The following GPR63 variants were observed in gnomAD, a reference collection of about 807,000 sequenced individuals.
The protein encoded by GPR63 is G protein-coupled receptor 63, also known as probable G protein-coupled receptor 63.
Under a neutral mutation model 23.1 loss-of-function variants are expected in GPR63, and 12 were observed. The ratio of observed to expected loss-of-function variants is 0.52; its 90% CI spans 0.33 to 0.84. GPR63 has a LOEUF of 0.84. Among genes scored for constraint, GPR63 ranks in the 40% least tolerant of loss-of-function variants. GPR63 has a pLI of 0.02. For missense variants in GPR63, 472 were observed against 515.6 expected, an observed-to-expected ratio of 0.92 and a Z score of 0.82; for synonymous variants, 172 against 191.1, an observed-to-expected ratio of 0.90 and a Z score of 0.82.
chr6:96,819,170 T>C (rs1239964732), intron 1 of GPR63, among the ~76,000 whole-genome samples: 1 of 152,194 alleles, frequency 6.6e-6, no homozygotes, highest in Non-Finnish European at 1.5e-5. Context: ...CACTACTGGG[T>C]ATATACCCAA....
chr6:96,835,039 T>G (rs1308079824), intron 1 of GPR63, among the ~76,000 whole-genome samples: 1 of 152,198 alleles, frequency 6.6e-6, no homozygotes, highest in African/African-American at 2.4e-5. Context: ...AATTTGCCTA[T>G]TGAAGCTTAA....
intron 1 of GPR63, among the ~76,000 whole-genome samples, chr6:96,814,132 T>C (rs538116329): frequency 2.0e-5 from 3 of 152,298 alleles, no homozygotes; most frequent in South Asian, 2.1e-4. Context: ...TCCAACTTTA[T>C]ATCTAATACA....
rs962044113 is a variant in GPR63, at chr6:96,794,672, T to C, written c.*3800A>G. The C allele has an allele frequency of 2.0e-5, 3 of 152,184 alleles. No homozygotes were observed. The highest frequency in any genetic ancestry group is 2.9e-5 in the Non-Finnish European group (2 of 68,036). The allele number at this position is 152,184 out of a possible 1,614,324, so 9.4% of individuals were successfully genotyped here. ...GCATTGAACACAACTGGCAGAGCAA[T>C]AGGAATTAGATAAATCTTTACATTC... On this transcript the variant is annotated 3_prime_UTR_variant, in exon 2 of 2. Transcript: ENST00000229955.
chr6:96,833,455 T>C (rs1282835585), intron 1 of GPR63, among the ~76,000 whole-genome samples: 1 of 152,224 alleles, frequency 6.6e-6, no homozygotes, highest in Non-Finnish European at 1.5e-5. Flanking sequence ...TTTGTTTTTG[T>C]TTTGTTTTAT....
chr6:96,832,448 C>G (rs938159255), intron 1 of GPR63, among the ~76,000 whole-genome samples: 10 of 110,150 alleles, frequency 9.1e-5, no homozygotes, highest in South Asian at 3.0e-4. Flanking sequence ...TTTTTTTTTA[C>G]TTTTTGGAGA....
intron 1 of GPR63, among the ~76,000 whole-genome samples, chr6:96,800,342 G>C (rs1013174494): frequency 6.6e-6 from 1 of 151,978 alleles, no homozygotes; most frequent in African/African-American, 2.4e-5. Flanking sequence ...CACAAAACCA[G>C]ATGACAAAGA....
At chr6:96,833,165 A>G (rs1774634886) in intron 1 of GPR63, among the ~76,000 whole-genome samples, 1 of 152,158 alleles carries the variant, frequency 6.6e-6, no homozygotes, top group Non-Finnish European at 1.5e-5. Context: ...TGATGAAAAG[A>G]ATGGATCTTA....
rs1159080685 is a variant in GPR63, at chr6:96,797,351, G to A, written c.*1121C>T. 1.3e-5 allele frequency: 2 copies of A among 152,128 alleles called. No homozygotes were observed. The highest frequency in any genetic ancestry group is 2.9e-5 in the Non-Finnish European group (2 of 68,032). The allele number at this position is 152,128 out of a possible 1,614,324, so 9.4% of individuals were successfully genotyped here. On this transcript the variant is annotated 3_prime_UTR_variant, in exon 2 of 2. Transcript: ENST00000229955. Reference sequence around the variant, plus strand: ...GCTAATTTTTAAAAAGAATATCATAGTCTAAAAAATTAAAGGATGCATAGA... The same window carrying A: ...GCTAATTTTTAAAAAGAATATCATAATCTAAAAAATTAAAGGATGCATAGA...
intron 1 of GPR63, among the ~76,000 whole-genome samples, chr6:96,835,676 T>A (rs575929498): frequency 4.6e-5 from 7 of 152,226 alleles, no homozygotes; most frequent in Non-Finnish European, 8.8e-5. Context: ...GCTGAAATTT[T>A]CAGAAAATGC....
At chr6:96,804,423 C>T (rs1336735614) in intron 1 of GPR63, among the ~76,000 whole-genome samples, 1 of 152,070 alleles carries the variant, frequency 6.6e-6, no homozygotes, top group African/African-American at 2.4e-5. Flanking sequence ...TTTATTAATC[C>T]CATTGTTCCC....
At chr6:96,827,774 A>G (rs1295853543) in intron 1 of GPR63, among the ~76,000 whole-genome samples, 1 of 152,086 alleles carries the variant, frequency 6.6e-6, no homozygotes, top group Non-Finnish European at 1.5e-5. Flanking sequence ...AGCAAATTAA[A>G]TTAAATTAAA....
intron 1 of GPR63, among the ~76,000 whole-genome samples, chr6:96,806,869 C>T (rs1246972615): frequency 6.6e-6 from 1 of 152,000 alleles, no homozygotes. Context: ...GACCAGTTAA[C>T]TAAAGAAGAA....
In GPR63 at chr6:96,798,664, T is replaced by G. The variant is rs775253743; in HGVS notation, c.1068A>C (p.Leu356=). The stretch of plus-strand genomic sequence containing the variant: ...CAGACTTGAGGTAGCAGAGCCACAG[T>G]AGCCAGGTGCTAATCTCAAAAAAGT... The part of the protein sequence containing the change: ...QHNFFEISTW[L]LWLCYLKSAL... The change falls in exon 2 of 2, where the codon CTA becomes CTC. Residue 356 remains leucine, a synonymous_variant. Transcript: ENST00000229955. 3 of 1,614,242 alleles carry G rather than the reference T, an allele frequency of 1.9e-6. No individual in the cohort carries two copies. Among genetic ancestry groups the G allele is most frequent in the Non-Finnish European group, 2.5e-6 (3 of 1,180,036 alleles).
intron 1 of GPR63, among the ~76,000 whole-genome samples, chr6:96,801,684 A>C (rs897061572): frequency 9.9e-5 from 15 of 152,216 alleles, no homozygotes; most frequent in Admixed American, 2.0e-4. Context: ...AAAAAGAAGA[A>C]TCCTGATCTA....
At chr6:96,808,047 T>C (rs978246591) in intron 1 of GPR63, among the ~76,000 whole-genome samples, 9 of 152,302 alleles carry the variant, frequency 5.9e-5, no homozygotes, top group African/African-American at 2.2e-4. Context: ...GAAATGCCAC[T>C]AGTACTAGAA....
At chr6:96,815,511 C>A (rs1474388422) in intron 1 of GPR63, among the ~76,000 whole-genome samples, 3 of 152,108 alleles carry the variant, frequency 2.0e-5, no homozygotes, top group African/African-American at 7.2e-5. Flanking sequence ...CAACACAGTA[C>A]CTGTATTAAC....
At chr6:96,825,501 G>A (rs1205349274) in intron 1 of GPR63, among the ~76,000 whole-genome samples, 1 of 151,926 alleles carries the variant, frequency 6.6e-6, no homozygotes, top group Non-Finnish European at 1.5e-5. Context: ...AAAAAAAATA[G>A]CTACTAGAGG....
At chr6:96,812,996 T>G (rs1774080542) in intron 1 of GPR63, among the ~76,000 whole-genome samples, 1 of 152,076 alleles carries the variant, frequency 6.6e-6, no homozygotes, top group South Asian at 2.1e-4. Flanking sequence ...CTTCATCCCC[T>G]CTTCCTCTTC....
At chr6:96,832,562 C>T (rs997319731) in intron 1 of GPR63, among the ~76,000 whole-genome samples, 2 of 151,964 alleles carry the variant, frequency 1.3e-5, no homozygotes, top group African/African-American at 2.4e-5. Flanking sequence ...CATGAATGGC[C>T]ATGCCTGGCC....
Sources: gnomAD v4.1 joint callset for allele counts (sites outside exome capture counted in the v4.1 genomes callset) on GRCh38, gnomAD v4.1.1 for gene constraint, MANE v1.5 for transcripts, NCBI Gene and HGNC (gene_info 2026-07-23, HGNC 2026-07-21) for gene names.